OPCML: variants seen among roughly 807,000 people sequenced by gnomAD.
The protein encoded by OPCML is opioid binding protein/cell adhesion molecule like.
OPCML carries 13 observed loss-of-function variants against 37.8 expected under a neutral mutation model. The ratio of observed to expected loss-of-function variants is 0.34; its 90% CI spans 0.22 to 0.55. The LOEUF (loss-of-function observed/expected upper bound fraction) is 0.55. Among genes scored for constraint, OPCML ranks in the 20% least tolerant of loss-of-function variants. The pLI, the probability that OPCML is intolerant of heterozygous loss-of-function variation, is 0.91. For synonymous variants in OPCML, 176 were observed against 168.8 expected (o/e 1.04, Z -0.33); for missense variants, 341 against 435.6 (o/e 0.78, Z 1.93).
At chr11:132,564,268 C>T (rs183793644) in intron 3 of OPCML, among the ~76,000 whole-genome samples, 152 of 152,302 alleles carry the variant, frequency 1.0e-3, no homozygotes, top group Non-Finnish European at 1.5e-3. Flanking sequence ...AAATGAAGTG[C>T]GTGAGAGACA....
At chr11:132,699,821 T>C (rs967414735) in intron 2 of OPCML, among the ~76,000 whole-genome samples, 71 of 152,218 alleles carry the variant, frequency 4.7e-4, no homozygotes, top group African/African-American at 1.6e-3. Context: ...TCTTGTAGTA[T>C]CCTTGTCTGG....
chr11:133,273,339 C>T (rs1042903228), intron 1 of OPCML, among the ~76,000 whole-genome samples: 1 of 152,016 alleles, frequency 6.6e-6, no homozygotes, highest in Non-Finnish European at 1.5e-5. Context: ...GGGTGCACAC[C>T]CAAGAGCCAG....
chr11:133,328,644 T>C (rs1424414374), intron 1 of OPCML, among the ~76,000 whole-genome samples: 1 of 152,200 alleles, frequency 6.6e-6, no homozygotes, highest in Non-Finnish European at 1.5e-5. Flanking sequence ...TATCCTCGAC[T>C]AGCTCACAAT....
chr11:133,076,037 G>A (rs1247345106), intron 1 of OPCML, among the ~76,000 whole-genome samples: 1 of 151,996 alleles, frequency 6.6e-6, no homozygotes. Context: ...CTAATTTTTA[G>A]AATTTTAGAA....
chr11:132,884,876 CTA>C (rs1943350658), intron 2 of OPCML, among the ~76,000 whole-genome samples: 1 of 152,216 alleles, frequency 6.6e-6, no homozygotes, highest in African/African-American at 2.4e-5. Flanking sequence ...ATTTAAAAAA[CTA>C]TGGTTTCCCA....
chr11:133,462,447 G>A (rs958385864), intron 1 of OPCML, among the ~76,000 whole-genome samples: 1 of 151,920 alleles, frequency 6.6e-6, no homozygotes, highest in Non-Finnish European at 1.5e-5. Flanking sequence ...ATCTGATAAT[G>A]GATAATATTC....
chr11:132,678,817 A>C (rs934407504), intron 2 of OPCML, among the ~76,000 whole-genome samples: 1 of 152,180 alleles, frequency 6.6e-6, no homozygotes, highest in Non-Finnish European at 1.5e-5. Context: ...ATCTCATTAC[A>C]CATTTGTCTA....
At chr11:133,469,013 G>A (rs903462694) in intron 1 of OPCML, among the ~76,000 whole-genome samples, 3 of 152,132 alleles carry the variant, frequency 2.0e-5, no homozygotes, top group Non-Finnish European at 4.4e-5. Context: ...CCAGAGACTG[G>A]GGGGCCTACC....
At chr11:132,607,266 G>A (rs1938360417) in intron 3 of OPCML, among the ~76,000 whole-genome samples, 1 of 152,222 alleles carries the variant, frequency 6.6e-6, no homozygotes, top group South Asian at 2.1e-4. Flanking sequence ...CCAGGGAAGA[G>A]GATGCTCACT....
At chr11:132,864,365 G>A (rs1394781188) in intron 2 of OPCML, among the ~76,000 whole-genome samples, 6 of 152,178 alleles carry the variant, frequency 3.9e-5, no homozygotes, top group African/African-American at 1.2e-4. Context: ...AAACCCTACA[G>A]AGTCCAAAGA....
intron 1 of OPCML, chr11:133,065,063 A>AGCAC: frequency 6.6e-6 from 1 of 152,074 alleles, no homozygotes; most frequent in Non-Finnish European, 1.5e-5. Flanking sequence ...CCCGGAGGAA[A>AGCAC]GCACGGTGCA....
At chr11:133,416,188 A>AT (rs1239083059) in intron 1 of OPCML, among the ~76,000 whole-genome samples, 1 of 147,064 alleles carries the variant, frequency 6.8e-6, no homozygotes, top group East Asian at 1.9e-4. Flanking sequence ...CATCTTCAAG[A>AT]TAAAAAAAAA....
chr11:132,978,855 A>G (rs1461842764), intron 1 of OPCML, among the ~76,000 whole-genome samples: 1 of 152,184 alleles, frequency 6.6e-6, no homozygotes, highest in Non-Finnish European at 1.5e-5. Flanking sequence ...CTTTCTCCGA[A>G]TTCCAGAATT....
At chr11:133,514,725 A>G (rs999875153) in intron 1 of OPCML, among the ~76,000 whole-genome samples, 1 of 152,166 alleles carries the variant, frequency 6.6e-6, no homozygotes, top group Non-Finnish European at 1.5e-5. Flanking sequence ...TAACCCACTG[A>G]TTTTAAATAC....
rs917338318 is a variant in OPCML, at chr11:133,006,682, T to C, written c.62-63672A>G. 1.1e-4 allele frequency: 112 copies of C among 985,330 alleles called. No individual in the cohort carries two copies. The African/African-American group carries it at 1.9e-3, about 17-fold the overall frequency. The allele number at this position is 985,330 out of a possible 1,614,324, so 61.0% of individuals were successfully genotyped here. Reference sequence around the variant, plus strand: ...GTGCCCTTCCCTGATCCCACATGTCTGCCACTTCCACTTTTTCTGCTAGAA... The same window carrying C: ...GTGCCCTTCCCTGATCCCACATGTCCGCCACTTCCACTTTTTCTGCTAGAA... On this transcript the variant is annotated intron_variant, in intron 1 of 7. Transcript: ENST00000524381.
intron 1 of OPCML, among the ~76,000 whole-genome samples, chr11:133,401,858 C>T (rs899281674): frequency 2.0e-5 from 3 of 152,126 alleles, no homozygotes; most frequent in Admixed American, 6.6e-5. Context: ...TTTTCAAAGG[C>T]AACCTCTGGG....
At chr11:132,517,250 A>G (rs2096281973) in intron 4 of OPCML, among the ~76,000 whole-genome samples, 1 of 152,194 alleles carries the variant, frequency 6.6e-6, no homozygotes, top group Admixed American at 6.5e-5. Flanking sequence ...GGTGACTTAT[A>G]GGAATTTTAC....
intron 3 of OPCML, among the ~76,000 whole-genome samples, chr11:132,589,812 G>A (rs554424538): frequency 6.6e-6 from 1 of 152,168 alleles, no homozygotes; most frequent in Non-Finnish European, 1.5e-5. Context: ...CTTTTGCGGA[G>A]GAGAAATTTT....
chr11:132,868,777 C>G (rs889387005), intron 2 of OPCML, among the ~76,000 whole-genome samples: 1 of 152,144 alleles, frequency 6.6e-6, no homozygotes, highest in Admixed American at 6.5e-5. Context: ...GCTGCCGTTA[C>G]TAATAGGTTT....
Sources: gnomAD v4.1 joint callset for allele counts (sites outside exome capture counted in the v4.1 genomes callset) on GRCh38, gnomAD v4.1.1 for gene constraint, MANE v1.5 for transcripts, NCBI Gene and HGNC (gene_info 2026-07-23, HGNC 2026-07-21) for gene names.